The following DNAJC1 variants were observed in gnomAD, a reference collection of about 807,000 sequenced individuals.
DNAJC1 encodes dnaJ homolog subfamily C member 1.
Under a neutral mutation model 76.6 loss-of-function variants are expected in DNAJC1, and 58 were observed. That is an observed-to-expected ratio of 0.76 (90% CI 0.61 to 0.94). The LOEUF (loss-of-function observed/expected upper bound fraction) is 0.94, where lower values mean the gene tolerates loss of function less well. Ranked by LOEUF, DNAJC1 falls within the 40% of genes least tolerant of loss-of-function variation. The probability of loss-of-function intolerance (pLI) is 0.00; values close to 1 mark genes in which losing one functional copy is unlikely to be tolerated. For missense variants in DNAJC1, 689 were observed against 677.3 expected (o/e 1.02, Z -0.19); for synonymous variants, 258 against 267.9 (o/e 0.96, Z 0.36).
At chr10:21,769,750 G>A (rs542340011) in intron 9 of DNAJC1, among the ~76,000 whole-genome samples, 3 of 152,192 alleles carry the variant, frequency 2.0e-5, no homozygotes, top group Non-Finnish European at 2.9e-5. Flanking sequence ...GCAATGGAGC[G>A]ATTCCAGCTC....
chr10:21,816,449 T>C (rs896763136), intron 8 of DNAJC1, among the ~76,000 whole-genome samples: 3 of 151,844 alleles, frequency 2.0e-5, no homozygotes, highest in Non-Finnish European at 4.4e-5. Flanking sequence ...GGCTCATGCC[T>C]GTGATCCCAG....
rs183301857 is a variant in DNAJC1, at chr10:21,801,790, C to T, written c.1098+4190G>A. Among the ~76,000 whole-genome samples the T allele has an allele frequency of 3.3e-3, 509 of 152,184 alleles. 4 individuals carry two copies. Among genetic ancestry groups the T allele is most frequent in the African/African-American group, 0.011 (474 of 41,540 alleles). ...AGAAAATGTGATTATATATACACCA[C>T]GGAATACTATGCAGCCACAAAAAAG... On this transcript the variant is annotated intron_variant, in intron 9 of 11. Transcript: ENST00000376980.
At chr10:21,989,176 G>T (rs1838294164) in intron 1 of DNAJC1, among the ~76,000 whole-genome samples, 1 of 151,980 alleles carries the variant, frequency 6.6e-6, no homozygotes, top group Admixed American at 6.6e-5. Context: ...CCATAGTTCT[G>T]GATGATAAGT....
chr10:21,958,573 C>T (rs1363291128), intron 1 of DNAJC1, among the ~76,000 whole-genome samples: 3 of 152,120 alleles, frequency 2.0e-5, no homozygotes, highest in South Asian at 2.1e-4. Context: ...GACTACAGTG[C>T]GTGCCACCAC....
chr10:21,781,495 G>A (rs1222531089), intron 9 of DNAJC1, among the ~76,000 whole-genome samples: 2 of 152,152 alleles, frequency 1.3e-5, no homozygotes, highest in Non-Finnish European at 2.9e-5. Context: ...GCAGAGGCGG[G>A]CAGATCACGA....
At position 21,802,406 on chromosome 10, in the gene DNAJC1, T is replaced by TA. The variant is rs752979150; in HGVS notation, c.1098+3573dup. 7.9e-5 allele frequency among the ~76,000 whole-genome samples: 12 copies of TA among 152,176 alleles called. No individual in the cohort carries two copies. The South Asian group carries it at 1.2e-3, about 16-fold the overall frequency. ...CTTATTTTCCATGGAACAGTCCACT[T>TA]ACGTGTTTTTGAAACCAGCATAATA... On this transcript the variant is annotated intron_variant, in intron 9 of 11. Coordinates refer to ENST00000376980, the MANE Select transcript of DNAJC1 (RefSeq NM_022365.4).
intron 10 of DNAJC1, among the ~76,000 whole-genome samples, chr10:21,764,732 A>C (rs1256966896): frequency 6.6e-6 from 1 of 152,252 alleles, no homozygotes; most frequent in Non-Finnish European, 1.5e-5. Context: ...GGCTTCTTAA[A>C]GGCTATTAAA....
At chr10:21,991,429 T>A (rs371577250) in intron 1 of DNAJC1, among the ~76,000 whole-genome samples, 1 of 152,194 alleles carries the variant, frequency 6.6e-6, no homozygotes, top group Non-Finnish European at 1.5e-5. Flanking sequence ...TAGAACAGCA[T>A]GAACTTTATA....
chr10:21,802,751 A>G (rs929042130), intron 9 of DNAJC1, among the ~76,000 whole-genome samples: 3 of 152,120 alleles, frequency 2.0e-5, no homozygotes, highest in Non-Finnish European at 4.4e-5. Flanking sequence ...CTTTCAGGCA[A>G]AAGAATAGTA....
intron 8 of DNAJC1, among the ~76,000 whole-genome samples, chr10:21,810,767 AGG>A (rs1259136952): frequency 6.6e-6 from 1 of 152,152 alleles, no homozygotes; most frequent in Non-Finnish European, 1.5e-5. Context: ...TCCACTTGGG[AGG>A]AATGTATGGT....
rs573810258 is a variant in DNAJC1, at chr10:21,758,837, C to T, written c.1596+333G>A. On this transcript the variant is annotated intron_variant, in intron 11 of 11. Transcript: ENST00000376980. ...GCTGCTGCATTTCACGGTGAGGCAG[C>T]GCCGGCTGAGCCTCCCATGTGCCCT... Among the ~76,000 whole-genome samples the T allele has an allele frequency of 2.0e-5, 3 of 152,340 alleles. No individual in the cohort carries two copies. The East Asian group carries it at 5.8e-4, about 29-fold the overall frequency.
intron 1 of DNAJC1, among the ~76,000 whole-genome samples, chr10:21,958,147 A>C (rs1265957790): frequency 6.6e-6 from 1 of 152,198 alleles, no homozygotes; most frequent in Admixed American, 6.5e-5. Context: ...CCTGAAACTA[A>C]AACTATAATG....
intron 1 of DNAJC1, among the ~76,000 whole-genome samples, chr10:21,998,121 T>C (rs1013405640): frequency 6.6e-6 from 1 of 152,124 alleles, no homozygotes; most frequent in Non-Finnish European, 1.5e-5. Flanking sequence ...CTGGGCGCAG[T>C]GGTTCACGCC....
At chr10:21,837,401 C>A (rs1375443832) in intron 8 of DNAJC1, among the ~76,000 whole-genome samples, 2 of 151,970 alleles carry the variant, frequency 1.3e-5, no homozygotes, top group Non-Finnish European at 2.9e-5. Flanking sequence ...GCCCCTCTGT[C>A]CGGCTGCCCA....
chr10:21,952,667 G>T (rs1837619022), intron 1 of DNAJC1, among the ~76,000 whole-genome samples: 1 of 152,182 alleles, frequency 6.6e-6, no homozygotes, highest in South Asian at 2.1e-4. Flanking sequence ...GCTGAGGTGG[G>T]AGAATCACTT....
At chr10:21,791,743 T>C (rs1318712658) in intron 9 of DNAJC1, among the ~76,000 whole-genome samples, 1 of 151,894 alleles carries the variant, frequency 6.6e-6, no homozygotes, top group Non-Finnish European at 1.5e-5. Context: ...GAAAAAGCAA[T>C]ATTAGAGGCA....
intron 1 of DNAJC1, among the ~76,000 whole-genome samples, chr10:21,977,135 C>T (rs1027565895): frequency 3.9e-5 from 6 of 152,002 alleles, no homozygotes; most frequent in African/African-American, 1.4e-4. Context: ...CTTACTCTCC[C>T]GGCAATTCTC....
At chr10:21,827,097 A>G (rs538168284) in intron 8 of DNAJC1, among the ~76,000 whole-genome samples, 1 of 152,012 alleles carries the variant, frequency 6.6e-6, no homozygotes, top group Admixed American at 6.6e-5. Context: ...ACGGTTTTCC[A>G]TTTATTTAAG....
At chr10:21,881,330 T>G (rs918561263) in intron 8 of DNAJC1, among the ~76,000 whole-genome samples, 1 of 152,250 alleles carries the variant, frequency 6.6e-6, no homozygotes. Context: ...ATGTGTCCTT[T>G]GCATTTTAAA....
Sources: gnomAD v4.1 joint callset for allele counts (sites outside exome capture counted in the v4.1 genomes callset) on GRCh38, gnomAD v4.1.1 for gene constraint, MANE v1.5 for transcripts, NCBI Gene and HGNC (gene_info 2026-07-23, HGNC 2026-07-21) for gene names.